GGPS1: variants seen among roughly 807,000 people sequenced by gnomAD.
GGPS1 encodes the protein geranylgeranyl diphosphate synthase 1.
Under a neutral mutation model 28.1 loss-of-function variants are expected in GGPS1, and 15 were observed. That is an observed-to-expected ratio of 0.53 (90% confidence interval 0.36 to 0.82). The LOEUF is 0.82. Ranked by LOEUF, GGPS1 falls within the 40% of genes least tolerant of loss-of-function variation. The pLI is 0.01. For synonymous variants in GGPS1, 138 were observed against 122.4 expected, an observed-to-expected ratio of 1.13 and a Z score of -0.84; for missense variants, 284 against 348.3, an observed-to-expected ratio of 0.82 and a Z score of 1.47.
In GGPS1 at chr1:235,335,281, A is replaced by G. The variant is rs1675830520; in HGVS notation, c.17A>G (p.Glu6Gly). Reference sequence around the variant, plus strand: ...TTAAATCCAATGGAGAAGACTCAAGAAACAGTCCAAAGAATTCTTCTAGAA... The same window carrying G: ...TTAAATCCAATGGAGAAGACTCAAGGAACAGTCCAAAGAATTCTTCTAGAA... MEKTQETVQRILLEPY... is the reference protein window; with the variant it reads MEKTQGTVQRILLEPY... Residue 6 changes from glutamate (E) to glycine (G), a missense_variant, in exon 2 of 4, where the codon GAA (glutamate) becomes GGA (glycine). By Grantham distance (98) the Glu-to-Gly change is moderately conservative. Transcript: ENST00000282841. 2 of 1,546,978 alleles carry G rather than the reference A, an allele frequency of 1.3e-6. No homozygotes were observed. Among genetic ancestry groups the G allele is most frequent in the Admixed American group, 3.4e-5 (2 of 58,802 alleles).
intron 2 of GGPS1, among the ~76,000 whole-genome samples, chr1:235,339,842 G>A (rs761222110): frequency 6.6e-5 from 10 of 151,946 alleles, no homozygotes; most frequent in Non-Finnish European, 1.3e-4. Flanking sequence ...AAATTAGGAT[G>A]TTATTACCAT....
At chr1:235,331,781 T>C (rs1434471796) in intron 1 of GGPS1, among the ~76,000 whole-genome samples, 1 of 152,124 alleles carries the variant, frequency 6.6e-6, no homozygotes, top group Non-Finnish European at 1.5e-5. Flanking sequence ...CCACCCATTA[T>C]CATGTGCTTA....
chr1:235,342,618 A>G lies in GGPS1; in HGVS notation c.749A>G (p.Tyr250Cys). The G allele has an allele frequency of 6.2e-7, 1 of 1,611,078 alleles. No individual in the cohort carries two copies. The highest frequency in any genetic ancestry group is 8.5e-7 in the Non-Finnish European group (1 of 1,177,218). ...GATATAAAAAAATACTGTGTACATT[A>G]TCTTGAGGATGTAGGTTCTTTTGAA... ...NIDIKKYCVH[Y>C]LEDVGSFEYT... is the part of the protein sequence containing the mutation. The change falls in exon 4 of 4, where the codon TAT becomes TGT. Residue 250 changes from tyrosine (Y) to cysteine (C), a missense_variant. Tyr to Cys is a radical substitution (Grantham distance 194). Coordinates refer to ENST00000282841, the MANE Select transcript of GGPS1 (RefSeq NM_004837.4).
In GGPS1 at chr1:235,342,085, C is replaced by A; in HGVS notation, c.216C>A (p.Leu72=). 6.2e-7 allele frequency: 1 copy of A among 1,612,782 alleles called. No individual in the cohort carries two copies. The highest frequency in any genetic ancestry group is 1.1e-5 in the South Asian group (1 of 91,004). ...LIDDIEDNSK[L]RRGFPVAHSI... ...ATGATATTGAAGACAACTCAAAACT[C>A]CGACGTGGCTTTCCAGTGGCCCACA... is the stretch of plus-strand genomic sequence containing the variant. The change falls in exon 4 of 4, where the codon CTC becomes CTA. Residue 72 remains leucine, a synonymous_variant. Coordinates refer to ENST00000282841, the MANE Select transcript of GGPS1 (RefSeq NM_004837.4).
At chr1:235,337,690 A>C (rs1675909735) in intron 2 of GGPS1, among the ~76,000 whole-genome samples, 1 of 152,154 alleles carries the variant, frequency 6.6e-6, no homozygotes, top group Non-Finnish European at 1.5e-5. Flanking sequence ...TTAGCCAAGT[A>C]TGGTAGCGCA....
Position 235,328,626 on chromosome 1 carries a change from TGAG to T in GGPS1, c.-171_-169del, listed in dbSNP as rs1334982422. 1.3e-5 allele frequency: 2 copies of T among 152,912 alleles called. No homozygotes were observed. Among genetic ancestry groups the T allele is most frequent in the Non-Finnish European group, 2.9e-5 (2 of 68,336 alleles). 9.5% of individuals were successfully genotyped at this position (152,912 alleles called of 1,614,324 possible). A position where few individuals can be genotyped will look rare whatever the true frequency, so the allele number is the denominator to read the frequency against. ...CAACTAATGCGGTGTCGCTGGCGGC[TGAG>T]GAGGGCGGAGAGTTCTGTGGTGAAA... On this transcript the variant is annotated 5_prime_UTR_variant, in exon 1 of 4. Coordinates refer to ENST00000282841, the MANE Select transcript of GGPS1 (RefSeq NM_004837.4).
chr1:235,335,308 C>T lies in GGPS1; in HGVS notation c.44C>T (p.Pro15Leu), dbSNP rs1157311940. The change falls in exon 2 of 4, where the codon CCC becomes CTC. Residue 15 changes from proline to leucine, a missense_variant. By Grantham distance (98) the Pro-to-Leu change is moderately conservative. Transcript: ENST00000282841. ...ACAGTCCAAAGAATTCTTCTAGAAC[C>T]CTATAAATACTTACTTCAGTTACCA... Reference protein sequence around the residue: ...QETVQRILLEPYKYLLQLPGK... With the variant: ...QETVQRILLELYKYLLQLPGK... 3 of 1,543,770 alleles carry T rather than the reference C, an allele frequency of 1.9e-6. No homozygotes were observed. Among genetic ancestry groups the T allele is most frequent in the Non-Finnish European group, 2.7e-6 (3 of 1,117,980 alleles).
intron 3 of GGPS1, 90 bp from the exon 4 acceptor site, chr1:235,341,921 T>A: frequency 4.3e-6 from 4 of 940,702 alleles, no homozygotes; most frequent in Non-Finnish European, 6.4e-6. Flanking sequence ...GTTGTGAAAA[T>A]TAACACACCT....
intron 1 of GGPS1, among the ~76,000 whole-genome samples, chr1:235,333,067 CAAAAAAAAAAA>C (rs5781828): frequency 1.2e-3 from 51 of 43,318 alleles, no homozygotes; most frequent in African/African-American, 5.1e-3. Context: ...GACTCCGTCT[CAAAAAAAAAAA>C]AAAAAAAAAA....
chr1:235,342,219 G>A lies in GGPS1; in HGVS notation c.350G>A (p.Arg117His), dbSNP rs550768116. 1.3e-4 allele frequency: 203 copies of A among 1,613,718 alleles called. 1 individual carries two copies. In the South Asian group the frequency reaches 1.4e-3, roughly 11 times the overall value. The change falls in exon 4 of 4, where the codon CGC becomes CAC. Residue 117 changes from arginine (R) to histidine (H), a missense_variant. By Grantham distance (29) the Arg-to-His change is conservative (BLOSUM62 0). Transcript: ENST00000282841. Reference sequence around the variant, plus strand: ...CCAGATGCAGTGAAGCTTTTTACCCGCCAGCTTTTGGAACTCCATCAGGGA... The same window carrying A: ...CCAGATGCAGTGAAGCTTTTTACCCACCAGCTTTTGGAACTCCATCAGGGA... ...DHPDAVKLFT[R>H]QLLELHQGQG...
At chr1:235,328,193 C>CA (rs1274464178), upstream of GGPS1, 3 of 147,988 alleles carry the variant, frequency 2.0e-5, no homozygotes, top group African/African-American at 7.4e-5. Context: ...GCTTCCCCCC[C>CA]ACCGACTCTA....
At chr1:235,327,994 C>A (rs1240438602), upstream of GGPS1, 4 of 152,802 alleles carry the variant, frequency 2.6e-5, no homozygotes, top group East Asian at 1.9e-4. Context: ...CGAAAAATCC[C>A]CCCCGGACTG....
In GGPS1 at chr1:235,341,215, T is replaced by G. The variant is rs75586277; in HGVS notation, c.71-493T>G. ...CATGGTGTGTGCCTGTAGTCCCAGA[T>G]ACTCAGGAGGCTGAGGCACGAGAAT... On this transcript the variant is annotated intron_variant, in intron 2 of 3. Transcript: ENST00000282841. 9.9e-5 allele frequency among the ~76,000 whole-genome samples: 15 copies of G among 152,206 alleles called. No individual in the cohort carries two copies. The East Asian group carries it at 2.9e-3, about 29-fold the overall frequency.
chr1:235,329,147 A>T (rs1337015024), intron 1 of GGPS1: 1 of 152,224 alleles, frequency 6.6e-6, no homozygotes, highest in South Asian at 2.1e-4. Context: ...TTTCTCCCGG[A>T]GTATGAATGG....
chr1:235,341,605 A>G (rs961770980), intron 2 of GGPS1, 103 bp from the exon 3 acceptor site: 4 of 755,220 alleles, frequency 5.3e-6, no homozygotes, highest in Admixed American at 2.0e-5. Flanking sequence ...GGATTTAGCA[A>G]GTCTGATCAA....
At position 235,342,933 on chromosome 1, in the gene GGPS1, G is replaced by T; in HGVS notation, c.*161G>T. On this transcript the variant is annotated 3_prime_UTR_variant, in exon 4 of 4. Transcript: ENST00000282841. ...TTCGTTTTCATTTAGAAGCCCCTCT[G>T]TACAGATAATCAAAATTCAAAGTTG... 2.1e-6 allele frequency: 1 copy of T among 484,278 alleles called. No individual in the cohort carries two copies. Among genetic ancestry groups the T allele is most frequent in the Non-Finnish European group, 3.7e-6 (1 of 268,076 alleles). 30.0% of individuals were successfully genotyped at this position (484,278 alleles called of 1,614,324 possible).
chr1:235,338,344 T>C (rs1009223158), intron 2 of GGPS1, among the ~76,000 whole-genome samples: 1 of 150,622 alleles, frequency 6.6e-6, no homozygotes, highest in Admixed American at 6.6e-5. Flanking sequence ...ATCACACCAC[T>C]GCACCCCAGC....
chr1:235,334,605 A>C (rs1047323963), intron 1 of GGPS1, among the ~76,000 whole-genome samples: 34 of 152,336 alleles, frequency 2.2e-4, no homozygotes, highest in African/African-American at 7.9e-4. Context: ...CCCTGTTCCT[A>C]ACCACTAATC....
Position 235,342,822 on chromosome 1 carries a change from T to G in GGPS1, c.*50T>G. 7.5e-7 allele frequency: 1 copy of G among 1,333,380 alleles called. No individual in the cohort carries two copies. Among genetic ancestry groups the G allele is most frequent in the Non-Finnish European group, 1.0e-6 (1 of 970,178 alleles). The allele number at this position is 1,333,380 out of a possible 1,614,324, so 82.6% of individuals were successfully genotyped here. On this transcript the variant is annotated 3_prime_UTR_variant, in exon 4 of 4. Coordinates refer to ENST00000282841, the MANE Select transcript of GGPS1 (RefSeq NM_004837.4). ...TCATAGCTTATTTTAGTTAATCTTT[T>G]TTTTGTCTTTTAGCCTTACCACCTT...
Sources: allele counts gnomAD v4.1 joint callset (sites outside exome capture counted in the v4.1 genomes callset), GRCh38; gene constraint gnomAD v4.1.1; transcripts MANE v1.5; gene names NCBI Gene and HGNC (gene_info 2026-07-23, HGNC 2026-07-21).